The following ZNF235 variants were observed in gnomAD, a reference collection of about 807,000 sequenced individuals.
ZNF235 encodes zinc finger protein 235.
ZNF235 carries 25 observed loss-of-function variants against 29.4 expected under a neutral mutation model. That is an observed-to-expected ratio of 0.85 (90% CI 0.62 to 1.19). The LOEUF is 1.19. Ranked by LOEUF, ZNF235 falls within the 50% of genes most tolerant of loss-of-function variation. The pLI, the probability that ZNF235 is intolerant of heterozygous loss-of-function variation, is 0.00. For missense variants in ZNF235, 788 were observed against 885.0 expected (o/e 0.89, Z 1.39); for synonymous variants, 300 against 295.3 (o/e 1.02, Z -0.16).
chr19:44,299,665 G>A lies in ZNF235; in HGVS notation c.83C>T (p.Ala28Val), dbSNP rs1975706597. ...CACATCTCGGTACAGCTTCCTCTGG[G>A]CAGAGTCCAGCAGCCCCAGCTCCTC... ...TEEELGLLDSAQRKLYRDVML... is the reference protein window; with the variant it reads ...TEEELGLLDSVQRKLYRDVML... The change falls in exon 3 of 5, where the codon GCC becomes GTC. Residue 28 changes from alanine to valine, a missense_variant. By Grantham distance (64) the Ala-to-Val change is moderately conservative. Coordinates refer to ENST00000291182, the MANE Select transcript of ZNF235 (RefSeq NM_004234.4). 4 of 1,614,064 alleles carry A rather than the reference G, an allele frequency of 2.5e-6. No individual in the cohort carries two copies. In the East Asian group the frequency reaches 8.9e-5, roughly 36 times the overall value.
intron 4 of ZNF235, 44 bp from the exon 5 acceptor site, chr19:44,289,240 A>G (rs1314374358): frequency 2.0e-6 from 3 of 1,510,838 alleles, no homozygotes. Flanking sequence ...CAAGAGACTG[A>G]CATTAGCAAA....
At chr19:44,293,219 T>C (rs1478276388) in intron 4 of ZNF235, among the ~76,000 whole-genome samples, 1 of 151,850 alleles carries the variant, frequency 6.6e-6, no homozygotes, top group African/African-American at 2.4e-5. Context: ...AGACACAGAC[T>C]GAAGGTAAAG....
chr19:44,301,757 C>A (rs1192763043), intron 2 of ZNF235, among the ~76,000 whole-genome samples: 2 of 152,194 alleles, frequency 1.3e-5, no homozygotes, highest in African/African-American at 4.8e-5. Context: ...GCCACTGTGC[C>A]TGGCCTTCAC....
chr19:44,302,993 TA>T lies in ZNF235; in HGVS notation c.15+396del, dbSNP rs1975769929. Among the ~76,000 whole-genome samples the T allele has an allele frequency of 2.3e-5, 3 of 131,506 alleles. No individual in the cohort carries two copies. The East Asian group carries it at 6.1e-4, about 27-fold the overall frequency. The allele number at this position is 131,506 out of a possible 152,430, so 86.3% of individuals were successfully genotyped here. A position where few individuals can be genotyped will look rare whatever the true frequency, so the allele number is the denominator to read the frequency against. On this transcript the variant is annotated intron_variant, in intron 2 of 4. Transcript: ENST00000291182. ...ATATATGTATATATTTATATATAAA[TA>T]TATACATATATACGTATATATTTAT...
rs767446270 is a variant in ZNF235, at chr19:44,288,659, C to T, written c.776G>A (p.Gly259Glu). Residue 259 changes from glycine to glutamate, a missense_variant, in exon 5 of 5, where the codon GGA becomes GAA. Gly to Glu is a moderately conservative substitution (Grantham distance 98, BLOSUM62 -2). Transcript: ENST00000291182. Reference sequence around the variant, plus strand: ...TTCATTACCCTGGTAGGTTTTCTGTCCTGTGTGAATACTACGCTGGGTAAG... The same window carrying T: ...TTCATTACCCTGGTAGGTTTTCTGTTCTGTGTGAATACTACGCTGGGTAAG... ...SPLTQRSIHTGQKTYQGNECE... is the reference protein window; with the variant it reads ...SPLTQRSIHTEQKTYQGNECE... 18 of 1,613,968 alleles carry T rather than the reference C, an allele frequency of 1.1e-5. No homozygotes were observed. The highest frequency in any genetic ancestry group is 3.3e-5 in the Admixed American group (2 of 59,984).
intron 2 of ZNF235, among the ~76,000 whole-genome samples, chr19:44,302,901 TATAA>T (rs1317867154): frequency 7.9e-6 from 1 of 126,768 alleles, no homozygotes; most frequent in South Asian, 2.8e-4. Flanking sequence ...CATATTTGTA[TATAA>T]ATATATACGT....
rs1975505966 is a variant in ZNF235 at position 44,287,567 on chromosome 19, C to A, written c.1868G>T (p.Gly623Val). 6.8e-6 allele frequency: 11 copies of A among 1,614,224 alleles called. No homozygotes were observed. Among genetic ancestry groups the A allele is most frequent in the Non-Finnish European group, 9.3e-6 (11 of 1,180,028 alleles). Residue 623 changes from glycine to valine, a missense_variant, in exon 5 of 5, where the codon GGA becomes GTA. By Grantham distance (109) the Gly-to-Val change is moderately radical. Transcript: ENST00000291182. ...HLQAHQRVHTGEKPYKCDTCG... is the reference protein window; with the variant it reads ...HLQAHQRVHTVEKPYKCDTCG... ...AGTGTCACATTTATATGGTTTCTCT[C>A]CGGTGTGGACTCTCTGATGGGCTTG...
At chr19:44,295,604 T>C (rs888719547) in intron 4 of ZNF235, among the ~76,000 whole-genome samples, 2 of 152,132 alleles carry the variant, frequency 1.3e-5, no homozygotes, top group African/African-American at 2.4e-5. Context: ...CTAAAATTCA[T>C]ATGGAACCAA....
rs749000889 is a variant in ZNF235 at position 44,288,253 on chromosome 19, G to A, written c.1182C>T (p.Cys394=). 3.1e-6 allele frequency: 5 copies of A among 1,613,846 alleles called. No individual in the cohort carries two copies. Among genetic ancestry groups the A allele is most frequent in the South Asian group, 1.1e-5 (1 of 91,056 alleles). The change falls in exon 5 of 5, where the codon TGC becomes TGT. Residue 394 remains cysteine, a synonymous_variant. Coordinates refer to ENST00000291182, the MANE Select transcript of ZNF235 (RefSeq NM_004234.4). The part of the protein sequence containing the change: ...FSRSTDLNIH[C]RVHTGEKPYK... ...AAGGTTTCTCTCCAGTGTGAACTCT[G>A]CAATGAATGTTAAGATCTGTGCTAC...
intron 2 of ZNF235, among the ~76,000 whole-genome samples, 171 bp downstream of exon 2, chr19:44,303,215 ATATC>A (rs936814448): frequency 2.2e-3 from 321 of 148,512 alleles, no homozygotes; most frequent in Non-Finnish European, 3.3e-3. Flanking sequence ...AGATATATAT[ATATC>A]TCTCTGTTAA....
intron 3 of ZNF235, among the ~76,000 whole-genome samples, chr19:44,299,282 C>A (rs1975699424): frequency 6.6e-6 from 1 of 152,056 alleles, no homozygotes; most frequent in Non-Finnish European, 1.5e-5. Flanking sequence ...TGGATCATGA[C>A]CCACAAGTTT....
intron 2 of ZNF235, among the ~76,000 whole-genome samples, chr19:44,302,745 T>C (rs1216571077): frequency 7.8e-6 from 1 of 128,676 alleles, no homozygotes; most frequent in East Asian, 2.2e-4. Context: ...TGTCTCTAAA[T>C]ATATATAGAG....
intron 2 of ZNF235, among the ~76,000 whole-genome samples, chr19:44,302,007 T>G (rs1204694222): frequency 1.3e-5 from 2 of 152,224 alleles, no homozygotes; most frequent in African/African-American, 2.4e-5. Context: ...AACATGTTAA[T>G]GAATAAAACA....
chr19:44,302,867 T>C (rs888873546), intron 2 of ZNF235, among the ~76,000 whole-genome samples: 10 of 107,932 alleles, frequency 9.3e-5, no homozygotes, highest in African/African-American at 2.7e-4. Flanking sequence ...TATACTTATA[T>C]ATATTTGTAT....
rs762435866 is a variant in ZNF235 at position 44,288,581 on chromosome 19, TG to T, written c.853del (p.His285ThrfsTer186). ...SSSLELHKQVHLGKKSPACST... is the reference protein window; with the variant it reads ...SSSLELHKQVXLGKKSPACST... ...ACACGCTGGAGACTTCTTTCCCAAGTGTACCTGTTTATGAAGTTCAAGACTG... is the reference window on the plus strand; with the variant it reads ...ACACGCTGGAGACTTCTTTCCCAAGTTACCTGTTTATGAAGTTCAAGACTG... On this transcript the variant is annotated frameshift_variant, in exon 5 of 5. Transcript: ENST00000291182. LOFTEE classifies it low-confidence loss of function (END_TRUNC). 4.2e-5 allele frequency: 68 copies of T among 1,614,010 alleles called. No homozygotes were observed. The highest frequency in any genetic ancestry group is 5.3e-5 in the Non-Finnish European group (63 of 1,179,996).
Position 44,304,678 on chromosome 19 carries a change from C to A in ZNF235, c.-49+293G>T, listed in dbSNP as rs534636376. Reference sequence around the variant, plus strand: ...CTTTACAGGCACGAGGAAACTGAGACAAGGAGAGATTAAGTAACTTGCCCA... The same window carrying A: ...CTTTACAGGCACGAGGAAACTGAGAAAAGGAGAGATTAAGTAACTTGCCCA... On this transcript the variant is annotated intron_variant, in intron 1 of 4. Coordinates refer to ENST00000291182, the MANE Select transcript of ZNF235 (RefSeq NM_004234.4). The A allele has an allele frequency of 8.1e-5, 79 of 973,850 alleles. No homozygotes were observed. In the South Asian group the frequency reaches 3.4e-3, roughly 42 times the overall value. The allele number at this position is 973,850 out of a possible 1,614,324, so 60.3% of individuals were successfully genotyped here.
At position 44,287,990 on chromosome 19, in the gene ZNF235, G is replaced by A. The variant is rs773680630; in HGVS notation, c.1445C>T (p.Thr482Ile). 6.2e-7 allele frequency: 1 copy of A among 1,614,122 alleles called. No individual in the cohort carries two copies. The highest frequency in any genetic ancestry group is 1.1e-5 in the South Asian group (1 of 91,086). Residue 482 changes from threonine (T) to isoleucine (I), a missense_variant, in exon 5 of 5, where the codon ACA becomes ATA. Thr to Ile is a moderately conservative substitution (Grantham distance 89). Coordinates refer to ENST00000291182, the MANE Select transcript of ZNF235 (RefSeq NM_004234.4). ...FNLHSHQRVH[T>I]GEKPYKCEEC... The stretch of plus-strand genomic sequence containing the variant: ...TTCACATTTATATGGTTTTTCTCCT[G>A]TGTGGACTCGTTGATGACTATGAAG...
intron 4 of ZNF235, among the ~76,000 whole-genome samples, chr19:44,295,881 T>G (rs184054724): frequency 6.6e-6 from 1 of 152,206 alleles, no homozygotes; most frequent in East Asian, 1.9e-4. Context: ...TAATCCATCT[T>G]GAGTTCATTA....
At position 44,298,805 on chromosome 19, in the gene ZNF235, C is replaced by T. The variant is rs2096048705; in HGVS notation, c.238+3G>A. The stretch of plus-strand genomic sequence containing the variant: ...ACTACGATTCCGGCTGCACAGTACT[C>T]ACCTGAATGCTTACCTCTTTGGGTT... On this transcript the variant is annotated splice_donor_region_variant and intron_variant, in intron 4 of 4. Coordinates refer to ENST00000291182, the MANE Select transcript of ZNF235 (RefSeq NM_004234.4). 2 of 1,608,398 alleles carry T rather than the reference C, an allele frequency of 1.2e-6. No individual in the cohort carries two copies. Among genetic ancestry groups the T allele is most frequent in the Admixed American group, 3.3e-5 (2 of 59,954 alleles).
Sources: gnomAD v4.1 joint callset for allele counts (sites outside exome capture counted in the v4.1 genomes callset) on GRCh38, gnomAD v4.1.1 for gene constraint, MANE v1.5 for transcripts, NCBI Gene and HGNC (gene_info 2026-07-23, HGNC 2026-07-21) for gene names.